Variants in GRIK4 observed in about 807,000 individuals in gnomAD.
The protein encoded by GRIK4 is glutamate receptor ionotropic, kainate 4.
In GRIK4, 40 loss-of-function variants were observed where a neutral mutation model predicts 104.9. That is an observed-to-expected ratio of 0.38 (90% CI 0.30 to 0.50). GRIK4 has a LOEUF of 0.50. GRIK4 is among the 20% of genes least tolerant of loss of function. GRIK4 has a pLI of 0.93. For missense variants in GRIK4, 1,047 were observed against 1,308.1 expected (o/e 0.80, Z 3.08); for synonymous variants, 485 against 524.9 (o/e 0.92, Z 1.04).
rs11604570 is a variant in GRIK4, at chr11:120,814,730, C to T, written c.248-648C>T. The stretch of plus-strand genomic sequence containing the variant: ...TGCCAGGCATGCTGGTCGGTCAGGA[C>T]GGGACCTGCTCTACCTGGGGGAGGG... On this transcript the variant is annotated intron_variant, in intron 4 of 20. Transcript: ENST00000527524. Among the ~76,000 whole-genome samples, 786 of 152,296 alleles carry T rather than the reference C, an allele frequency of 5.2e-3. 8 individuals carry two copies. The highest frequency in any genetic ancestry group is 0.017 in the African/African-American group (724 of 41,564).
chr11:120,676,231 T>C (rs1430016508), intron 3 of GRIK4, among the ~76,000 whole-genome samples: 1 of 152,166 alleles, frequency 6.6e-6, no homozygotes, highest in African/African-American at 2.4e-5. Context: ...TGAGCTCAGC[T>C]GGGAAAGGTT....
At chr11:120,606,049 C>T (rs538740139) in intron 1 of GRIK4, among the ~76,000 whole-genome samples, 4 of 152,228 alleles carry the variant, frequency 2.6e-5, no homozygotes, top group Non-Finnish European at 5.9e-5. Context: ...CAGGTGCAGA[C>T]ACTTGAAAAA....
intron 1 of GRIK4, among the ~76,000 whole-genome samples, chr11:120,531,452 T>C (rs1947922830): frequency 6.6e-6 from 1 of 152,230 alleles, no homozygotes; most frequent in Admixed American, 6.5e-5. Flanking sequence ...TCTCCAGTGC[T>C]TACACCAGCC....
At chr11:120,799,784 T>C (rs1247522855) in intron 3 of GRIK4, among the ~76,000 whole-genome samples, 2 of 152,226 alleles carry the variant, frequency 1.3e-5, no homozygotes, top group Non-Finnish European at 2.9e-5. Flanking sequence ...TGGATGGCAC[T>C]GCCAGTTCCT....
intron 14 of GRIK4, among the ~76,000 whole-genome samples, chr11:120,942,917 T>C (rs1175037369): frequency 6.6e-6 from 1 of 152,090 alleles, no homozygotes; most frequent in Non-Finnish European, 1.5e-5. Flanking sequence ...ATCCAATCAG[T>C]TGAAGGACAT....
intron 14 of GRIK4, among the ~76,000 whole-genome samples, chr11:120,951,975 C>T (rs1944011638): frequency 6.6e-6 from 1 of 152,228 alleles, no homozygotes; most frequent in African/African-American, 2.4e-5. Context: ...ATTCCCACTC[C>T]AACTGAGGCC....
In GRIK4 at chr11:120,616,138, G is replaced by T. The variant is rs193142423; in HGVS notation, c.-158-37547G>T. On this transcript the variant is annotated intron_variant, in intron 1 of 20. Coordinates refer to ENST00000527524, the MANE Select transcript of GRIK4 (RefSeq NM_014619.5). ...ATAAAATCCCTGGCCTTACATCTTT[G>T]TTGGGGTGGGGATGGGGCAGAGGGA... is the stretch of plus-strand genomic sequence containing the variant. Among the ~76,000 whole-genome samples, 836 of 152,222 alleles carry T rather than the reference G, an allele frequency of 5.5e-3. 9 individuals carry two copies. Among genetic ancestry groups the T allele is most frequent in the Non-Finnish European group, 9.4e-3 (641 of 68,000 alleles).
At chr11:120,537,360 T>G (rs1009870442) in intron 1 of GRIK4, among the ~76,000 whole-genome samples, 6 of 152,136 alleles carry the variant, frequency 3.9e-5, no homozygotes, top group African/African-American at 1.4e-4. Flanking sequence ...ACGGAGATAT[T>G]GGAACTCTGC....
chr11:120,888,764 G>A (rs1451510886), intron 11 of GRIK4, among the ~76,000 whole-genome samples: 1 of 152,102 alleles, frequency 6.6e-6, no homozygotes, highest in African/African-American at 2.4e-5. Flanking sequence ...TGTGAAACAA[G>A]GTACCCCTGC....
intron 2 of GRIK4, among the ~76,000 whole-genome samples, chr11:120,658,307 G>C (rs537908465): frequency 6.6e-6 from 1 of 152,268 alleles, no homozygotes; most frequent in Admixed American, 6.5e-5. Flanking sequence ...GTGGTTTCCA[G>C]TTTGGGGAAA....
intron 3 of GRIK4, among the ~76,000 whole-genome samples, chr11:120,767,099 A>G (rs1348059592): frequency 6.6e-6 from 1 of 151,922 alleles, no homozygotes; most frequent in Non-Finnish European, 1.5e-5. Context: ...TGGTAGTTCT[A>G]TTTTTTATTT....
chr11:120,638,457 C>T (rs995473868), intron 1 of GRIK4, among the ~76,000 whole-genome samples: 1 of 150,274 alleles, frequency 6.7e-6, no homozygotes, highest in Non-Finnish European at 1.5e-5. Context: ...TGCTCTGCTA[C>T]CTCTCAATGA....
intron 2 of GRIK4, among the ~76,000 whole-genome samples, chr11:120,655,738 G>C (rs1364746751): frequency 6.6e-6 from 1 of 152,196 alleles, no homozygotes; most frequent in African/African-American, 2.4e-5. Context: ...TATTAAATGT[G>C]GGGGTGTGGG....
chr11:120,864,096 C>G (rs1257029285), intron 9 of GRIK4, among the ~76,000 whole-genome samples: 1 of 152,136 alleles, frequency 6.6e-6, no homozygotes, highest in African/African-American at 2.4e-5. Context: ...AGGGACATCT[C>G]AAAGCACAGT....
intron 3 of GRIK4, among the ~76,000 whole-genome samples, chr11:120,683,964 T>TACAGAACTTTTCCAGACCACTA (rs1481125560): frequency 6.6e-6 from 1 of 152,240 alleles, no homozygotes; most frequent in African/African-American, 2.4e-5. Flanking sequence ...TGCAAATAAG[T>TACAGAACTTTTCCAGACCACTA]ACAGAACTTT....
chr11:120,939,288 T>C lies in GRIK4; in HGVS notation c.1477-1059T>C, dbSNP rs1943666671. ...GAAGGGTTTAATTCAGGGCTAACTC[T>C]CATCAGATGTGGGCACTTGAGGTAC... On this transcript the variant is annotated intron_variant, in intron 13 of 20. Coordinates refer to ENST00000527524, the MANE Select transcript of GRIK4 (RefSeq NM_014619.5). This position sits in a 1 kb window ranked among gnomAD's most constrained non-coding sequence, Gnocchi z 5.6. Among the ~76,000 whole-genome samples, 1 of 152,212 alleles carries C rather than the reference T, an allele frequency of 6.6e-6. No homozygotes were observed. Among genetic ancestry groups the C allele is most frequent in the Non-Finnish European group, 1.5e-5 (1 of 68,040 alleles).
intron 3 of GRIK4, among the ~76,000 whole-genome samples, chr11:120,798,540 G>T (rs560014507): frequency 6.6e-6 from 1 of 152,146 alleles, no homozygotes; most frequent in Non-Finnish European, 1.5e-5. Flanking sequence ...GCGGTGGCAT[G>T]ATCCTGTTGG....
rs899007584 is a variant in GRIK4, at chr11:120,725,642, A to G, written c.82+65242A>G. Among the ~76,000 whole-genome samples the G allele has an allele frequency of 5.9e-5, 9 of 152,132 alleles. 1 individual carries two copies. Among genetic ancestry groups the G allele is most frequent in the Middle Eastern group, 6.3e-3 (2 of 316 alleles). ...TCATCTGGTGAGTTTCAATTCTTTG[A>G]TTCTTTTCTTGAGAGCCCTGGGGGT... On this transcript the variant is annotated intron_variant, in intron 3 of 20. Coordinates refer to ENST00000527524, the MANE Select transcript of GRIK4 (RefSeq NM_014619.5).
intron 13 of GRIK4, among the ~76,000 whole-genome samples, chr11:120,910,007 A>T (rs1013288941): frequency 2.6e-5 from 4 of 152,224 alleles, no homozygotes; most frequent in African/African-American, 7.2e-5. Flanking sequence ...GATTCATGTC[A>T]TCATCGAGGA....
Sources: allele counts gnomAD v4.1 joint callset (sites outside exome capture counted in the v4.1 genomes callset), GRCh38; gene constraint gnomAD v4.1.1; non-coding constraint Gnocchi (gnomAD v3.1); transcripts MANE v1.5; gene names NCBI Gene and HGNC (gene_info 2026-07-23, HGNC 2026-07-21).